Variants in HSPA8 observed in about 807,000 individuals in gnomAD.
The protein encoded by HSPA8 is heat shock protein family A (Hsp70) member 8, also known as heat shock cognate 71 kDa protein.
In HSPA8, 2 loss-of-function variants were observed where a neutral mutation model predicts 52.8. The observed-to-expected ratio is 0.04, with a 90% CI of 0.02 to 0.12. The LOEUF (loss-of-function observed/expected upper bound fraction) is 0.12. Among genes scored for constraint, HSPA8 ranks in the 10% least tolerant of loss-of-function variants. HSPA8 has a pLI of 1.00. For missense variants in HSPA8, 349 were observed against 800.5 expected, an observed-to-expected ratio of 0.44 and a Z score of 6.81; for synonymous variants, 436 against 274.0, an observed-to-expected ratio of 1.59 and a Z score of -5.84.
Position 123,058,843 on chromosome 11 carries a change from TAAAAC to T in HSPA8, c.1324-18_1324-14del. Reference sequence around the variant, plus strand: ...CGCCTTCATAAACCTTGGTAGGAAATAAAACAAATTACTACAATGGACTCCAGGTC... The same window carrying T: ...CGCCTTCATAAACCTTGGTAGGAAATAAATTACTACAATGGACTCCAGGTC... On this transcript the variant is annotated splice_polypyrimidine_tract_variant and intron_variant, in intron 6 of 8. Transcript: ENST00000534624. 6.2e-7 allele frequency: 1 copy of T among 1,611,964 alleles called. No individual in the cohort carries two copies. Among genetic ancestry groups the T allele is most frequent in the Admixed American group, 1.7e-5 (1 of 59,990 alleles).
chr11:123,058,241 A>AAC lies in HSPA8; in HGVS notation c.1755+10_1755+11insGT. 1 of 1,518,570 alleles carries AAC rather than the reference A, an allele frequency of 6.6e-7. No individual in the cohort carries two copies. The highest frequency in any genetic ancestry group is 1.4e-5 in the African/African-American group (1 of 71,038). 94.1% of individuals were successfully genotyped at this position (1,518,570 alleles called of 1,614,324 possible). A position where few individuals can be genotyped will look rare whatever the true frequency, so the allele number is the denominator to read the frequency against. ...AGTGGGGGAGGAAAAAAAAAAAAAA[A>AAC]AAACACAAACCTGATTCTTATCAAG... On this transcript the variant is annotated intron_variant, in intron 8 of 8. Transcript: ENST00000534624.
chr11:123,059,321 G>A (rs1037706057), intron 5 of HSPA8, 60 bp from the exon 6 acceptor site: 8 of 1,463,192 alleles, frequency 5.5e-6, no homozygotes, highest in African/African-American at 4.2e-5. Context: ...CATAGCTCCT[G>A]TTTTAACTAT....
At chr11:123,058,536 T>C in intron 7 of HSPA8, 52 bp from the exon 8 acceptor site, 1 of 1,582,616 alleles carries the variant, frequency 6.3e-7, no homozygotes, top group Non-Finnish European at 8.7e-7. Flanking sequence ...TGTGTATGTG[T>C]AACTCTAGTT....
At chr11:123,062,407 G>A (rs1372549895), upstream of HSPA8, 2 of 152,444 alleles carry the variant, frequency 1.3e-5, no homozygotes, top group East Asian at 3.8e-4. Flanking sequence ...GGGAAAGGGA[G>A]GGTGGGGCGC....
In HSPA8 at chr11:123,060,026, A is replaced by C. The variant is rs200486073; in HGVS notation, c.567T>G (p.Val189=). 5.0e-4 allele frequency: 809 copies of C among 1,614,054 alleles called. 1 individual carries two copies. The highest frequency in any genetic ancestry group is 6.4e-4 in the Non-Finnish European group (759 of 1,179,912). ...AAIAYGLDKK[V]GAERNVLIFD... ...AGATGAGCACGTTTCTTTCTGCTCC[A>C]ACCTGCCGTTAAAAACAATCTCATT... The change falls in exon 5 of 9, where the codon GTT becomes GTG. Residue 189 remains valine, a splice_region_variant and synonymous_variant. Transcript: ENST00000534624.
chr11:123,060,677 T>C lies in HSPA8; in HGVS notation c.327A>G (p.Gly109=). The change falls in exon 3 of 9, where the codon GGA becomes GGG. Residue 109 remains glycine, a synonymous_variant. Transcript: ENST00000534624. ...CCTCTGGATAGAAGCTTTTGGTCTC[T>C]CCCTTGTATTCTACTTGGACCTTGG... ...GRPKVQVEYK[G]ETKSFYPEEV... 1 of 1,613,700 alleles carries C rather than the reference T, an allele frequency of 6.2e-7. No individual in the cohort carries two copies. Among genetic ancestry groups the C allele is most frequent in the Non-Finnish European group, 8.5e-7 (1 of 1,179,756 alleles).
At chr11:123,061,070 G>A in intron 2 of HSPA8, 50 bp downstream of exon 2, 3 of 1,501,592 alleles carry the variant, frequency 2.0e-6, no homozygotes, top group Non-Finnish European at 1.9e-6. Flanking sequence ...AAACTTTTGT[G>A]CTTCCTAGCC....
rs760522151 is a variant in HSPA8 at position 123,061,196 on chromosome 11, G to A, written c.129C>T (p.Ala43=). The change falls in exon 2 of 9, where the codon GCC becomes GCT. Residue 43 remains alanine (A), a synonymous_variant. Transcript: ENST00000534624. The part of the protein sequence containing the change: ...QGNRTTPSYV[A]FTDTERLIGD... Reference sequence around the variant, plus strand: ...CGATCAACCGTTCAGTGTCCGTAAAGGCGACATAGCTTGGAGTGGTTCGGT... The same window carrying A: ...CGATCAACCGTTCAGTGTCCGTAAAAGCGACATAGCTTGGAGTGGTTCGGT... 7 of 1,613,814 alleles carry A rather than the reference G, an allele frequency of 4.3e-6. No homozygotes were observed. The highest frequency in any genetic ancestry group is 1.7e-6 in the Non-Finnish European group (2 of 1,179,864).
chr11:123,061,047 C>A (rs1233083484), intron 2 of HSPA8, 73 bp downstream of exon 2: 7 of 1,332,462 alleles, frequency 5.3e-6, no homozygotes, highest in Non-Finnish European at 6.4e-6. Context: ...AAAGTTCCCT[C>A]CTCACGTTTC....
Position 123,057,494 on chromosome 11 carries a change from T to C in HSPA8, c.*240A>G, listed in dbSNP as rs1025372949. 1.2e-5 allele frequency: 5 copies of C among 406,802 alleles called. No individual in the cohort carries two copies. The highest frequency in any genetic ancestry group is 2.1e-5 in the African/African-American group (1 of 48,044). 25.2% of individuals were successfully genotyped at this position (406,802 alleles called of 1,614,324 possible). On this transcript the variant is annotated 3_prime_UTR_variant, in exon 9 of 9. Transcript: ENST00000534624. ...TATTTAAAGACTCAAAGCAATTGTA[T>C]GGTGCCAATTTTAAATAGTTTTATT...
chr11:123,062,111 C>CA lies in HSPA8; in HGVS notation c.-54dup, dbSNP rs1865532605. 6.5e-6 allele frequency: 1 copy of CA among 152,966 alleles called. No individual in the cohort carries two copies. The highest frequency in any genetic ancestry group is 2.4e-5 in the African/African-American group (1 of 41,470). 9.5% of individuals were successfully genotyped at this position (152,966 alleles called of 1,614,324 possible). ...ATAACGAAGGAAGCCACAAAAAACC[C>CA]AAGAGCTGCAGGCGAGTTCAATGAG... On this transcript the variant is annotated 5_prime_UTR_variant, in exon 1 of 9. Transcript: ENST00000534624.
At chr11:123,060,974 T>G in intron 2 of HSPA8, 146 bp downstream of exon 2, 1 of 906,588 alleles carries the variant, frequency 1.1e-6, no homozygotes, top group Non-Finnish European at 1.7e-6. Flanking sequence ...CTGAAAGGTT[T>G]CTACAACCTG....
rs1136141 is a variant in HSPA8, at chr11:123,062,069, G to A, written c.-11C>T. The A allele has an allele frequency of 0.14, 21,779 of 152,516 alleles. 1,587 individuals are homozygous for A. Among genetic ancestry groups the A allele is most frequent in the African/African-American group, 0.16 (6,554 of 41,504 alleles). 9.4% of individuals were successfully genotyped at this position (152,516 alleles called of 1,614,324 possible). ...CTCTTGAGCAGAGGTTTTACCTGGGGTGTAGGCCTGGCTCCAATAACGAAG... is the reference window on the plus strand; with the variant it reads ...CTCTTGAGCAGAGGTTTTACCTGGGATGTAGGCCTGGCTCCAATAACGAAG... On this transcript the variant is annotated 5_prime_UTR_variant, in exon 1 of 9. Transcript: ENST00000534624.
rs577985249 is a variant in HSPA8 at position 123,058,514 on chromosome 11, C to T, written c.1523-30G>A. On this transcript the variant is annotated intron_variant, in intron 7 of 8. Transcript: ENST00000534624. ...GAAAGAAATTAACTCTAAGTAAAAG[C>T]CTTAAATTACCTGTGTATGTGTAAC... 76 of 1,599,484 alleles carry T rather than the reference C, an allele frequency of 4.8e-5. No homozygotes were observed. The South Asian group carries it at 7.4e-4, about 16-fold the overall frequency.
chr11:123,059,297 A>G, intron 5 of HSPA8, 36 bp from the exon 6 acceptor site: 3 of 1,571,084 alleles, frequency 1.9e-6, no homozygotes, highest in Non-Finnish European at 2.6e-6. Flanking sequence ...AAGAAGTTAA[A>G]AGAAAACCCA....
intron 5 of HSPA8, 104 bp downstream of exon 5, chr11:123,059,369 T>A (rs1451587876): frequency 2.9e-6 from 4 of 1,377,684 alleles, no homozygotes; most frequent in Non-Finnish European, 4.1e-6. Context: ...TTGCCATCAT[T>A]AGCCAAGCTT....
rs1332564676 is a variant in HSPA8 at position 123,060,043 on chromosome 11, A to T, written c.565-15T>A. 6.2e-7 allele frequency: 1 copy of T among 1,614,076 alleles called. No homozygotes were observed. Among genetic ancestry groups the T allele is most frequent in the Admixed American group, 1.7e-5 (1 of 60,006 alleles). On this transcript the variant is annotated splice_polypyrimidine_tract_variant and intron_variant, in intron 4 of 8. Transcript: ENST00000534624. ...TCTGCTCCAACCTGCCGTTAAAAACAATCTCATTTAAATTTACGATGGATC... is the reference window on the plus strand; with the variant it reads ...TCTGCTCCAACCTGCCGTTAAAAACTATCTCATTTAAATTTACGATGGATC...
chr11:123,059,399 T>TTTG (rs1865425044), intron 5 of HSPA8, 74 bp downstream of exon 5: 1 of 1,419,788 alleles, frequency 7.0e-7, no homozygotes, highest in African/African-American at 1.6e-5. Flanking sequence ...ACTACGAATG[T>TTTG]TTAACAATCA....
intron 2 of HSPA8, 33 bp downstream of exon 2, chr11:123,061,087 T>C: frequency 3.8e-6 from 6 of 1,576,978 alleles, no homozygotes; most frequent in Non-Finnish European, 5.2e-6. Context: ...AGCCCTGTTA[T>C]ATTTGTTCTG....
Sources: gnomAD v4.1 joint callset for allele counts on GRCh38, gnomAD v4.1.1 for gene constraint, MANE v1.5 for transcripts, NCBI Gene and HGNC (gene_info 2026-07-23, HGNC 2026-07-21) for gene names.